ANKRD12: variants seen among roughly 807,000 people sequenced by gnomAD.
ANKRD12 encodes ankyrin repeat domain 12, also known as ankyrin repeat domain-containing protein 12.
A neutral mutation model predicts 183.4 loss-of-function variants in ANKRD12; 85 were observed. The ratio of observed to expected loss-of-function variants is 0.46; its 90% CI spans 0.39 to 0.56. ANKRD12 has a LOEUF of 0.56. Among genes scored for constraint, ANKRD12 ranks in the 20% least tolerant of loss-of-function variants. The probability of loss-of-function intolerance (pLI) is 0.00; values close to 1 mark genes in which losing one functional copy is unlikely to be tolerated. For synonymous variants in ANKRD12, 914 were observed against 800.2 expected, an observed-to-expected ratio of 1.14 and a Z score of -2.40; for missense variants, 2,405 against 2,357.1, an observed-to-expected ratio of 1.02 and a Z score of -0.42.
chr18:9,170,056 C>T (rs1273317126), intron 1 of ANKRD12, among the ~76,000 whole-genome samples: 4 of 152,230 alleles, frequency 2.6e-5, no homozygotes, highest in Non-Finnish European at 4.4e-5. Context: ...TCTCTTCCGG[C>T]TTGTAGAGTT....
intron 8 of ANKRD12, among the ~76,000 whole-genome samples, chr18:9,236,349 A>C (rs577774294): frequency 6.6e-6 from 1 of 152,206 alleles, no homozygotes; most frequent in African/African-American, 2.4e-5. Context: ...AGAGAATGAT[A>C]AATTTAAACA....
At chr18:9,199,118 C>T (rs2035018499) in intron 3 of ANKRD12, among the ~76,000 whole-genome samples, 1 of 151,970 alleles carries the variant, frequency 6.6e-6, no homozygotes. Flanking sequence ...CAGAGTGAGA[C>T]CCTATATCTA....
intron 8 of ANKRD12, among the ~76,000 whole-genome samples, chr18:9,239,936 A>G (rs565503198): frequency 1.3e-5 from 2 of 152,324 alleles, no homozygotes; most frequent in East Asian, 3.9e-4. Context: ...TACTCAGAGT[A>G]GCCTTTCCAT....
intron 8 of ANKRD12, among the ~76,000 whole-genome samples, chr18:9,225,950 T>C (rs1168029206): frequency 6.6e-6 from 1 of 151,240 alleles, no homozygotes; most frequent in African/African-American, 2.4e-5. Context: ...ATCCATATTA[T>C]TTTTTGATAT....
In ANKRD12 at chr18:9,257,944, C is replaced by T. The variant is rs762583807; in HGVS notation, c.4677C>T (p.Ala1559=). The T allele has an allele frequency of 3.1e-6, 5 of 1,613,910 alleles. No individual in the cohort carries two copies. The South Asian group carries it at 5.5e-5, about 18-fold the overall frequency. ...TAGGAGATGTTCAAAAAACAGATGC[C>T]TTTGTCCCAGTGTACTCTGACAGCA... The part of the protein sequence containing the change: ...FVLGDVQKTD[A]FVPVYSDSTI... Residue 1559 remains alanine (A), a synonymous_variant, in exon 9 of 13, where the codon GCC becomes GCT. Transcript: ENST00000262126.
At chr18:9,223,463 AC>A (rs1487861988) in intron 8 of ANKRD12, among the ~76,000 whole-genome samples, 1 of 151,956 alleles carries the variant, frequency 6.6e-6, no homozygotes, top group Non-Finnish European at 1.5e-5. Flanking sequence ...ACAAAAAAAA[AC>A]CCAAAACCAA....
At chr18:9,178,517 A>T (rs2144121456) in intron 1 of ANKRD12, among the ~76,000 whole-genome samples, 1 of 152,228 alleles carries the variant, frequency 6.6e-6, no homozygotes, top group Non-Finnish European at 1.5e-5. Flanking sequence ...GTCTGTCTTT[A>T]CATTAGTAAA....
intron 3 of ANKRD12, among the ~76,000 whole-genome samples, chr18:9,203,266 G>A (rs1263674017): frequency 2.0e-5 from 3 of 152,000 alleles, no homozygotes; most frequent in African/African-American, 7.2e-5. Flanking sequence ...GAACCTTCTC[G>A]TCACTAAACT....
intron 1 of ANKRD12, among the ~76,000 whole-genome samples, chr18:9,142,723 G>A (rs150701871): frequency 0.01 from 1,574 of 151,952 alleles, 22 homozygotes; most frequent in African/African-American, 0.036. Context: ...CTCTACTAAA[G>A]AATACAAAAA....
intron 8 of ANKRD12, among the ~76,000 whole-genome samples, chr18:9,236,842 A>G (rs1027597779): frequency 1.3e-5 from 2 of 152,176 alleles, no homozygotes; most frequent in Non-Finnish European, 2.9e-5. Context: ...CATTGGCCAG[A>G]TTCTTTAGCT....
rs2145176184 is a variant in ANKRD12, at chr18:9,255,079, A to G, written c.1812A>G (p.Glu604=). The G allele has an allele frequency of 6.3e-7, 1 of 1,581,074 alleles. No homozygotes were observed. The highest frequency in any genetic ancestry group is 8.6e-7 in the Non-Finnish European group (1 of 1,169,394). Reference sequence around the variant, plus strand: ...GTGTAAAATCTTGTAAGCATAAGGAAAAAAGCAAACATCAGAAAGATTTCC... The same window carrying G: ...GTGTAAAATCTTGTAAGCATAAGGAGAAAAGCAAACATCAGAAAGATTTCC... The part of the protein sequence containing the change: ...SSSVKSCKHK[E]KSKHQKDFHL... Residue 604 remains glutamate, a synonymous_variant, in exon 9 of 13, where the codon GAA becomes GAG. Transcript: ENST00000262126.
At chr18:9,231,472 G>T (rs2037042192) in intron 8 of ANKRD12, among the ~76,000 whole-genome samples, 1 of 151,958 alleles carries the variant, frequency 6.6e-6, no homozygotes, top group Non-Finnish European at 1.5e-5. Flanking sequence ...TTGCTGTAAT[G>T]ATCTCTTTAT....
chr18:9,255,291 A>T lies in ANKRD12; in HGVS notation c.2024A>T (p.Lys675Ile). Residue 675 changes from lysine (K) to isoleucine (I), a missense_variant, in exon 9 of 13, where the codon AAA becomes ATA. Lys to Ile is a moderately radical substitution (Grantham distance 102). This residue lies in a region of ANKRD12 where 1,983 missense variants were observed against 1,725.9 expected (regional missense o/e 1.15). Coordinates refer to ENST00000262126, the MANE Select transcript of ANKRD12 (RefSeq NM_015208.5). Reference sequence around the variant, plus strand: ...AAAGAAATTGAAGGTGAAAAGGAAAAATACAAAACTAAGGATAGTGCCAAA... The same window carrying T: ...AAAGAAATTGAAGGTGAAAAGGAAATATACAAAACTAAGGATAGTGCCAAA... ...HKKEIEGEKE[K>I]YKTKDSAKEL... is the part of the protein sequence containing the mutation. 6.3e-7 allele frequency: 1 copy of T among 1,577,104 alleles called. No individual in the cohort carries two copies. Among genetic ancestry groups the T allele is most frequent in the Non-Finnish European group, 8.5e-7 (1 of 1,170,040 alleles).
At chr18:9,149,820 G>T (rs2078625576) in intron 1 of ANKRD12, among the ~76,000 whole-genome samples, 1 of 143,612 alleles carries the variant, frequency 7.0e-6, no homozygotes, top group Admixed American at 6.9e-5. Flanking sequence ...TTTTGAGACG[G>T]AGTCTCACTC....
intron 8 of ANKRD12, chr18:9,249,585 A>G (rs1294221848): frequency 2.0e-5 from 3 of 152,228 alleles, no homozygotes; most frequent in African/African-American, 7.2e-5. Context: ...AGACAAGTCT[A>G]CTTCCCGTCT....
intron 1 of ANKRD12, among the ~76,000 whole-genome samples, chr18:9,144,370 C>T (rs1290926903): frequency 6.6e-6 from 1 of 152,104 alleles, no homozygotes; most frequent in Non-Finnish European, 1.5e-5. Flanking sequence ...CCTTCAAAAA[C>T]CCCAGAAGAA....
intron 7 of ANKRD12, 87 bp from the exon 8 acceptor site, chr18:9,221,765 A>G: frequency 2.2e-6 from 3 of 1,354,546 alleles, no homozygotes; most frequent in Non-Finnish European, 3.1e-6. Flanking sequence ...TAACACTCAG[A>G]AGGATACTAT....
At chr18:9,149,798 A>ATT (rs368621263) in intron 1 of ANKRD12, among the ~76,000 whole-genome samples, 94 of 118,304 alleles carry the variant, frequency 7.9e-4, no homozygotes, top group East Asian at 2.5e-3. Flanking sequence ...ATTAAATTTT[A>ATT]TTTTTTTTTT....
intron 8 of ANKRD12, among the ~76,000 whole-genome samples, chr18:9,223,645 G>GA (rs887493967): frequency 3.3e-5 from 5 of 151,518 alleles, no homozygotes; most frequent in African/African-American, 7.3e-5. Context: ...TTGTTGTGGG[G>GA]AAAAAAAATA....
Sources: allele counts gnomAD v4.1 joint callset (sites outside exome capture counted in the v4.1 genomes callset), GRCh38; gene constraint gnomAD v4.1.1; regional missense constraint gnomAD v4.1.1; transcripts MANE v1.5; gene names NCBI Gene and HGNC (gene_info 2026-07-23, HGNC 2026-07-21).